The following TLR3 variants were observed in gnomAD, a reference collection of about 807,000 sequenced individuals.
TLR3 encodes the protein toll like receptor 3, also known as toll-like receptor 3.
Under a neutral mutation model 66.4 loss-of-function variants are expected in TLR3, and 43 were observed. That is an observed-to-expected ratio of 0.65 (90% confidence interval 0.51 to 0.83). TLR3 has a LOEUF of 0.83. Ranked by LOEUF, TLR3 falls within the 40% of genes least tolerant of loss-of-function variation. The pLI is 0.00. For synonymous variants in TLR3, 397 were observed against 397.2 expected (o/e 1.00, Z 0.01); for missense variants, 982 against 1,044.6 (o/e 0.94, Z 0.83).
rs578202898 is a variant in TLR3 at position 186,070,252 on chromosome 4, C to T, written c.-8+1004C>T. ...TTACTGAAGCATGTCCTAGAATAACCTTTTCATACAGATCGTATGGCTATA... is the reference window on the plus strand; with the variant it reads ...TTACTGAAGCATGTCCTAGAATAACTTTTTCATACAGATCGTATGGCTATA... On this transcript the variant is annotated intron_variant, in intron 1 of 4. Transcript: ENST00000296795. 4.6e-5 allele frequency among the ~76,000 whole-genome samples: 7 copies of T among 152,274 alleles called. No homozygotes were observed. In the South Asian group the frequency reaches 1.5e-3, roughly 32 times the overall value.
At chr4:186,076,047 G>A (rs990157856) in intron 1 of TLR3, among the ~76,000 whole-genome samples, 8 of 151,914 alleles carry the variant, frequency 5.3e-5, no homozygotes, top group Admixed American at 1.3e-4. Flanking sequence ...CCAGCTACTC[G>A]GGAGGCTGAG....
chr4:186,071,631 C>A (rs1195465694), intron 1 of TLR3, among the ~76,000 whole-genome samples: 1 of 152,142 alleles, frequency 6.6e-6, no homozygotes, highest in African/African-American at 2.4e-5. Context: ...ATGATTAGTG[C>A]CAGAGTTGTA....
rs1157216740 is a variant in TLR3 at position 186,087,842 on chromosome 4, G to A, written c.*2969G>A. The A allele has an allele frequency of 1.3e-5, 2 of 152,128 alleles. No homozygotes were observed. Among genetic ancestry groups the A allele is most frequent in the South Asian group, 4.2e-4 (2 of 4,812 alleles). The allele number at this position is 152,128 out of a possible 1,614,324, so 9.4% of individuals were successfully genotyped here. ...TTCTTGCAATCTATTGAGACACAAA[G>A]CAGATGAGTGGTTGTCTGGGCCTAG... On this transcript the variant is annotated 3_prime_UTR_variant, in exon 5 of 5. Transcript: ENST00000296795.
intron 1 of TLR3, among the ~76,000 whole-genome samples, chr4:186,075,471 AAAT>A (rs1403568868): frequency 6.6e-6 from 1 of 152,112 alleles, no homozygotes; most frequent in Non-Finnish European, 1.5e-5. Context: ...AAAATTTAAA[AAAT>A]AATAAAAAAT....
chr4:186,074,067 G>A (rs2150065694), intron 1 of TLR3, among the ~76,000 whole-genome samples: 1 of 152,338 alleles, frequency 6.6e-6, no homozygotes, highest in Non-Finnish European at 1.5e-5. Flanking sequence ...GGTACCAAAT[G>A]TTGTCAGGAA....
rs2099302532 is a variant in TLR3 at position 186,076,838 on chromosome 4, G to C, written c.219G>C (p.Arg73Ser). The C allele has an allele frequency of 1.9e-6, 3 of 1,613,998 alleles. No individual in the cohort carries two copies. The highest frequency in any genetic ancestry group is 2.5e-6 in the Non-Finnish European group (3 of 1,180,040). ...LRRLPAANFT[R>S]YSQLTSLDVG... ...GATTACCAGCCGCCAACTTCACAAG[G>C]TATAGCCAGCTAACTAGCTTGGATG... Residue 73 changes from arginine (R) to serine (S), a missense_variant, in exon 2 of 5, where the codon AGG becomes AGC. Arg to Ser is a moderately radical substitution (Grantham distance 110, BLOSUM62 -1). Coordinates refer to ENST00000296795, the MANE Select transcript of TLR3 (RefSeq NM_003265.3).
intron 3 of TLR3, 144 bp downstream of exon 3, chr4:186,079,175 G>GTCA (rs2099302980): frequency 1.2e-6 from 1 of 807,928 alleles, no homozygotes; most frequent in Admixed American, 2.5e-5. Flanking sequence ...GGGCATTGGT[G>GTCA]TCATCCTCCT....
chr4:186,083,190 T>C lies in TLR3; in HGVS notation c.1504T>C (p.Phe502Leu). Residue 502 changes from phenylalanine to leucine, a missense_variant, in exon 4 of 5, where the codon TTC becomes CTC. Phe to Leu is a conservative substitution (Grantham distance 22, BLOSUM62 0). Transcript: ENST00000296795. This position sits in a 1 kb window ranked among gnomAD's most constrained non-coding sequence, Gnocchi z 4.0. ...LKNVDSSPSP[F>L]QPLRNLTILD... Reference sequence around the variant, plus strand: ...AAATGTGGATAGCTCTCCTTCACCATTCCAGCCTCTTCGTAACTTGACCAT... The same window carrying C: ...AAATGTGGATAGCTCTCCTTCACCACTCCAGCCTCTTCGTAACTTGACCAT... The C allele has an allele frequency of 6.2e-7, 1 of 1,614,234 alleles. No homozygotes were observed. The highest frequency in any genetic ancestry group is 8.5e-7 in the Non-Finnish European group (1 of 1,180,032).
At position 186,083,535 on chromosome 4, in the gene TLR3, C is replaced by T. The variant is rs1197873773; in HGVS notation, c.1849C>T (p.Leu617Phe). 1 of 1,612,114 alleles carries T rather than the reference C, an allele frequency of 6.2e-7. No individual in the cohort carries two copies. ...TCAGGTGTCTCTAAAGTCATTGAACCTTCAGAAGAATCTCATAACATCCGT... is the reference window on the plus strand; with the variant it reads ...TCAGGTGTCTCTAAAGTCATTGAACTTTCAGAAGAATCTCATAACATCCGT... ...NNQVSLKSLN[L>F]QKNLITSVEK... is the part of the protein sequence containing the mutation. The change falls in exon 4 of 5, where the codon CTT becomes TTT. Residue 617 changes from leucine (L) to phenylalanine (F), a missense_variant. Transcript: ENST00000296795. This position sits in a 1 kb window ranked among gnomAD's most constrained non-coding sequence, Gnocchi z 4.0.
At position 186,076,878 on chromosome 4, in the gene TLR3, A is replaced by G. The variant is rs2099302537; in HGVS notation, c.259A>G (p.Ile87Val). 6.2e-7 allele frequency: 1 copy of G among 1,614,080 alleles called. No individual in the cohort carries two copies. Among genetic ancestry groups the G allele is most frequent in the Non-Finnish European group, 8.5e-7 (1 of 1,180,044 alleles). ...LTSLDVGFNT[I>V]SKLEPELCQK... ...TAGCTTGGATGTAGGATTTAACACC[A>G]TCTCAAAACTGGAGCCAGAATTGTG... Residue 87 changes from isoleucine (I) to valine (V), a missense_variant, in exon 2 of 5, where the codon ATC becomes GTC. Coordinates refer to ENST00000296795, the MANE Select transcript of TLR3 (RefSeq NM_003265.3).
intron 1 of TLR3, among the ~76,000 whole-genome samples, chr4:186,070,806 C>A (rs950656279): frequency 6.6e-6 from 1 of 152,018 alleles, no homozygotes; most frequent in South Asian, 2.1e-4. Context: ...TGGGCTCAAG[C>A]GATCCTCCTG....
intron 1 of TLR3, among the ~76,000 whole-genome samples, chr4:186,069,719 T>G (rs1237468800): frequency 6.6e-6 from 1 of 152,114 alleles, no homozygotes; most frequent in African/African-American, 2.4e-5. Flanking sequence ...GGAGAGAACA[T>G]TCAGGTATGC....
Position 186,084,836 on chromosome 4 carries a change from T to C in TLR3, c.2678T>C (p.Leu893Ser), listed in dbSNP as rs932166074. ...CGGATAGGTGCCTTTCGTCATAAAT[T>C]GCAAGTAGCACTTGGATCCAAAAAC... ...KERIGAFRHK[L>S]QVALGSKNSV... The change falls in exon 5 of 5, where the codon TTG becomes TCG. Residue 893 changes from leucine (L) to serine (S), a missense_variant. Physicochemically the swap from Leu to Ser is moderately radical, Grantham distance 145. Around this residue, in one of 3 missense-constraint regions of TLR3, gnomAD observed 666 missense variants for 709.0 expected, o/e 0.94. Transcript: ENST00000296795. 1.2e-6 allele frequency: 2 copies of C among 1,614,038 alleles called. No homozygotes were observed. Among genetic ancestry groups the C allele is most frequent in the Admixed American group, 1.7e-5 (1 of 60,026 alleles).
At chr4:186,079,549 C>T (rs926707916) in intron 3 of TLR3, among the ~76,000 whole-genome samples, 3 of 152,152 alleles carry the variant, frequency 2.0e-5, no homozygotes, top group Admixed American at 1.3e-4. Flanking sequence ...AATTTAGGAC[C>T]GTGTCTGGCG....
At position 186,076,757 on chromosome 4, in the gene TLR3, C is replaced by G. The variant is rs267600111; in HGVS notation, c.138C>G (p.Pro46=). The change falls in exon 2 of 5, where the codon CCC becomes CCG. Residue 46 remains proline (P), a synonymous_variant. Transcript: ENST00000296795. ...DCSHLKLTQV[P]DDLPTNITVL... is the part of the protein sequence containing the mutation. ...GCCACCTGAAGTTGACTCAGGTACC[C>G]GATGATCTACCCACAAACATAACAG... 6.2e-7 allele frequency: 1 copy of G among 1,613,924 alleles called. No homozygotes were observed. The highest frequency in any genetic ancestry group is 8.5e-7 in the Non-Finnish European group (1 of 1,180,018).
chr4:186,079,424 CTTTG>C (rs2099303043), intron 3 of TLR3, among the ~76,000 whole-genome samples: 2 of 152,126 alleles, frequency 1.3e-5, no homozygotes, highest in African/African-American at 4.8e-5. Flanking sequence ...GGTCTCTGGG[CTTTG>C]TCTTTTAACA....
At chr4:186,077,622 T>C (rs914357532) in intron 2 of TLR3, among the ~76,000 whole-genome samples, 3 of 152,294 alleles carry the variant, frequency 2.0e-5, no homozygotes, top group Middle Eastern at 6.8e-3. Flanking sequence ...TAGTTGATGT[T>C]TAATAATTGC....
intron 1 of TLR3, among the ~76,000 whole-genome samples, chr4:186,071,055 C>A (rs2099301376): frequency 6.6e-6 from 1 of 152,146 alleles, no homozygotes; most frequent in African/African-American, 2.4e-5. Context: ...AAGCTTATCT[C>A]TATTGTTTTC....
rs773578260 is a variant in TLR3 at position 186,084,766 on chromosome 4, A to T, written c.2608A>T (p.Met870Leu). Residue 870 changes from methionine (M) to leucine (L), a missense_variant, in exon 5 of 5, where the codon ATG becomes TTG. By Grantham distance (15) the Met-to-Leu change is conservative. This residue lies in a region of TLR3 where 666 missense variants were observed against 709.0 expected (regional missense o/e 0.94). Transcript: ENST00000296795. ...LNHALCLRRG[M>L]FKSHCILNWP... ...CCATGCACTCTGTTTGCGAAGAGGA[A>T]TGTTTAAATCTCACTGCATCTTGAA... The T allele has an allele frequency of 1.2e-6, 2 of 1,614,076 alleles. No homozygotes were observed. Among genetic ancestry groups the T allele is most frequent in the Admixed American group, 3.3e-5 (2 of 60,008 alleles).
Sources: gnomAD v4.1 joint callset for allele counts (sites outside exome capture counted in the v4.1 genomes callset) on GRCh38, gnomAD v4.1.1 for gene constraint, gnomAD v4.1.1 regional missense constraint, Gnocchi (gnomAD v3.1) non-coding constraint, MANE v1.5 for transcripts, NCBI Gene and HGNC (gene_info 2026-07-23, HGNC 2026-07-21) for gene names.